The following BMP6 variants were observed in gnomAD, a reference collection of about 807,000 sequenced individuals.
BMP6 encodes the protein VG-1-R.
BMP6 carries 17 observed loss-of-function variants against 54.1 expected under a neutral mutation model. That is an observed-to-expected ratio of 0.31 (90% CI 0.22 to 0.47). The LOEUF is 0.47. BMP6 is among the 20% of genes least tolerant of loss of function. The probability of loss-of-function intolerance (pLI) is 1.00; values close to 1 mark genes in which losing one functional copy is unlikely to be tolerated. For synonymous variants in BMP6, 328 were observed against 291.2 expected (o/e 1.13, Z -1.28); for missense variants, 720 against 690.4 (o/e 1.04, Z -0.48).
At chr6:7,808,536 T>C (rs1758386563) in intron 1 of BMP6, among the ~76,000 whole-genome samples, 1 of 152,200 alleles carries the variant, frequency 6.6e-6, no homozygotes, top group African/African-American at 2.4e-5. Flanking sequence ...ACATGGGAAG[T>C]CTAAAGAAGA....
At chr6:7,808,923 A>AAAC (rs1485892516) in intron 1 of BMP6, among the ~76,000 whole-genome samples, 16 of 151,272 alleles carry the variant, frequency 1.1e-4, no homozygotes, top group African/African-American at 3.6e-4. Flanking sequence ...CTAAAAAAAA[A>AAAC]AAAAAAAAAA....
rs778119506 is a variant in BMP6, at chr6:7,845,172, C to T, written c.697C>T (p.Arg233Ter). The change falls in exon 2 of 7, where the codon CGA becomes TGA. Residue 233 changes from arginine to a stop codon, truncating the protein, a stop_gained. Coordinates refer to ENST00000283147, the MANE Select transcript of BMP6 (RefSeq NM_001718.6). LOFTEE classifies it high-confidence loss of function. ...EYDKEFSPRQ[R>*]HHKEFKFNLS... ...CGACAAGGAGTTCTCCCCTCGTCAG[C>T]GACACCACAAAGAGTTCAAGTTCAA... The T allele has an allele frequency of 6.2e-7, 1 of 1,613,800 alleles. No homozygotes were observed. Among genetic ancestry groups the T allele is most frequent in the East Asian group, 2.2e-5 (1 of 44,872 alleles).
chr6:7,777,119 A>G (rs1051175681), intron 1 of BMP6, among the ~76,000 whole-genome samples: 9 of 152,220 alleles, frequency 5.9e-5, no homozygotes, highest in Non-Finnish European at 1.2e-4. Context: ...TGGAGTTCAT[A>G]TGCCATGATC....
At chr6:7,844,633 C>T (rs1209545987) in intron 1 of BMP6, among the ~76,000 whole-genome samples, 1 of 152,152 alleles carries the variant, frequency 6.6e-6, no homozygotes, top group Non-Finnish European at 1.5e-5. Flanking sequence ...GCCATCCCCA[C>T]CAATGTTCAG....
intron 2 of BMP6, among the ~76,000 whole-genome samples, chr6:7,855,438 A>G (rs927683888): frequency 3.3e-5 from 5 of 152,046 alleles, no homozygotes; most frequent in African/African-American, 1.2e-4. Context: ...AGAACCACTG[A>G]TAAAAGAGCA....
intron 1 of BMP6, among the ~76,000 whole-genome samples, chr6:7,812,819 G>A (rs6936190): frequency 0.4 from 60,171 of 151,110 alleles, 12,379 homozygotes; most frequent in Middle Eastern, 0.48. Context: ...TGAAAGTGCC[G>A]TGGTGACCTC....
intron 1 of BMP6, among the ~76,000 whole-genome samples, chr6:7,735,183 C>T (rs893071771): frequency 6.6e-6 from 1 of 152,214 alleles, no homozygotes; most frequent in Non-Finnish European, 1.5e-5. Flanking sequence ...TATTATCACT[C>T]TCCTGCCGCT....
At chr6:7,777,975 A>G (rs1757886849) in intron 1 of BMP6, among the ~76,000 whole-genome samples, 2 of 152,084 alleles carry the variant, frequency 1.3e-5, no homozygotes, top group South Asian at 4.2e-4. Flanking sequence ...TCCCAAAATG[A>G]GTGCTAATAA....
At chr6:7,770,229 C>G (rs527428051) in intron 1 of BMP6, among the ~76,000 whole-genome samples, 1 of 152,112 alleles carries the variant, frequency 6.6e-6, no homozygotes, top group Non-Finnish European at 1.5e-5. Flanking sequence ...GAAAATAAGC[C>G]ACATCCTGTT....
intron 2 of BMP6, among the ~76,000 whole-genome samples, chr6:7,860,024 C>T (rs951031641): frequency 4.6e-5 from 7 of 152,142 alleles, no homozygotes; most frequent in African/African-American, 9.7e-5. Flanking sequence ...CATCACAGGT[C>T]GTCTTTGGTA....
chr6:7,828,246 A>G (rs545182842), intron 1 of BMP6, among the ~76,000 whole-genome samples: 3 of 152,202 alleles, frequency 2.0e-5, no homozygotes, highest in Non-Finnish European at 2.9e-5. Context: ...GTTGCCCCAG[A>G]AAAGGAAAGA....
chr6:7,734,087 G>A (rs1444041112), intron 1 of BMP6, among the ~76,000 whole-genome samples: 1 of 152,114 alleles, frequency 6.6e-6, no homozygotes, highest in Non-Finnish European at 1.5e-5. Flanking sequence ...TTTTTCCAAT[G>A]TGAATATGTA....
chr6:7,855,703 A>AT (rs1371087338), intron 2 of BMP6, among the ~76,000 whole-genome samples: 1 of 150,942 alleles, frequency 6.6e-6, no homozygotes, highest in East Asian at 2.0e-4. Context: ...TAAATTTTTT[A>AT]TTTTTTGTAG....
At chr6:7,818,542 C>T (rs1293631025) in intron 1 of BMP6, among the ~76,000 whole-genome samples, 2 of 152,184 alleles carry the variant, frequency 1.3e-5, no homozygotes, top group Admixed American at 6.5e-5. Flanking sequence ...TGGACAAGTT[C>T]TTTAGAGTGG....
intron 2 of BMP6, among the ~76,000 whole-genome samples, chr6:7,859,484 C>T (rs908970693): frequency 6.6e-6 from 1 of 152,000 alleles, no homozygotes; most frequent in African/African-American, 2.4e-5. Flanking sequence ...CCACATTCTG[C>T]CCGTGACACC....
intron 1 of BMP6, among the ~76,000 whole-genome samples, chr6:7,820,832 G>A (rs1758600656): frequency 1.3e-5 from 2 of 152,312 alleles, no homozygotes; most frequent in South Asian, 4.1e-4. Flanking sequence ...GGTTTGGGAT[G>A]AAACTGTTCT....
chr6:7,865,018 T>C (rs1193310518), intron 4 of BMP6, among the ~76,000 whole-genome samples: 1 of 152,178 alleles, frequency 6.6e-6, no homozygotes, highest in African/African-American at 2.4e-5. Context: ...CAGAGGCATC[T>C]CTTGAAATGT....
intron 1 of BMP6, 54 bp from the exon 2 acceptor site, chr6:7,845,086 G>C (rs74667885): frequency 2.0e-5 from 30 of 1,500,546 alleles, no homozygotes; most frequent in Non-Finnish European, 2.7e-5. Context: ...AGGTAAGCCC[G>C]TGGCACTTAG....
intron 1 of BMP6, among the ~76,000 whole-genome samples, chr6:7,822,481 C>T (rs971861142): frequency 2.0e-5 from 3 of 152,134 alleles, no homozygotes; most frequent in Non-Finnish European, 2.9e-5. Flanking sequence ...AGCCCAGTTC[C>T]GGAACCACCT....
Sources: gnomAD v4.1 joint callset for allele counts (sites outside exome capture counted in the v4.1 genomes callset) on GRCh38, gnomAD v4.1.1 for gene constraint, MANE v1.5 for transcripts, NCBI Gene and HGNC (gene_info 2026-07-23, HGNC 2026-07-21) for gene names.